The following SYT9 variants were observed in gnomAD, a reference collection of about 807,000 sequenced individuals.
SYT9 encodes the protein synaptotagmin-9.
Under a neutral mutation model 48.4 loss-of-function variants are expected in SYT9, and 22 were observed. The observed-to-expected ratio is 0.45, with a 90% confidence interval of 0.32 to 0.65. The LOEUF (loss-of-function observed/expected upper bound fraction) is 0.65. Ranked by LOEUF, SYT9 falls within the 30% of genes least tolerant of loss-of-function variation. The probability of loss-of-function intolerance (pLI) is 0.03; values close to 1 mark genes in which losing one functional copy is unlikely to be tolerated. For missense variants in SYT9, 577 were observed against 622.0 expected (o/e 0.93, Z 0.77); for synonymous variants, 265 against 245.0 (o/e 1.08, Z -0.76).
chr11:7,278,982 A>G (rs1848446434), intron 1 of SYT9, among the ~76,000 whole-genome samples: 1 of 152,216 alleles, frequency 6.6e-6, no homozygotes, highest in Admixed American at 6.5e-5. Flanking sequence ...TCAAAAATGT[A>G]TGTTAATTTA....
chr11:7,357,088 G>T (rs1850035167), intron 3 of SYT9, among the ~76,000 whole-genome samples: 1 of 152,174 alleles, frequency 6.6e-6, no homozygotes, highest in Non-Finnish European at 1.5e-5. Flanking sequence ...GCTAAGGTGT[G>T]AATAGAAAGT....
intron 3 of SYT9, among the ~76,000 whole-genome samples, chr11:7,374,599 A>G (rs1334361153): frequency 6.6e-6 from 1 of 152,158 alleles, no homozygotes; most frequent in African/African-American, 2.4e-5. Flanking sequence ...CTGACTTTTT[A>G]ATGATTGCCA....
At chr11:7,255,370 T>C (rs1275421629) in intron 1 of SYT9, among the ~76,000 whole-genome samples, 1 of 114,420 alleles carries the variant, frequency 8.7e-6, no homozygotes, top group Non-Finnish European at 2.0e-5. Context: ...TCATGCAGAG[T>C]CTTGTAAACC....
At chr11:7,423,474 C>T (rs1847393675) in intron 6 of SYT9, among the ~76,000 whole-genome samples, 1 of 152,162 alleles carries the variant, frequency 6.6e-6, no homozygotes, top group South Asian at 2.1e-4. Context: ...TGTTTTTCCC[C>T]TTCTGAACCT....
chr11:7,308,620 T>A (rs1589932700), intron 2 of SYT9, among the ~76,000 whole-genome samples: 1 of 152,304 alleles, frequency 6.6e-6, no homozygotes, highest in South Asian at 2.1e-4. Flanking sequence ...GAGGCCAAGT[T>A]AAGTAGGCAA....
chr11:7,350,992 C>CA (rs1410819132), intron 3 of SYT9, among the ~76,000 whole-genome samples: 1 of 152,050 alleles, frequency 6.6e-6, no homozygotes, highest in Non-Finnish European at 1.5e-5. Flanking sequence ...ATCAGGGTAA[C>CA]AAAACCAGTG....
At chr11:7,465,656 A>T (rs1171237259) in intron 6 of SYT9, 1 of 153,024 alleles carries the variant, frequency 6.5e-6, no homozygotes, top group Admixed American at 6.5e-5. Context: ...CACCACTCAG[A>T]CCTCATCTTT....
At chr11:7,248,321 T>C (rs376419631), upstream of SYT9, among the ~76,000 whole-genome samples, 9 of 152,278 alleles carry the variant, frequency 5.9e-5, no homozygotes, top group East Asian at 1.9e-4. Flanking sequence ...AAAAGCTCTT[T>C]AGTTTAATTA....
rs143031783 is a variant in SYT9, at chr11:7,416,048, G to T, written c.1051G>T (p.Val351Leu). 1 of 1,614,158 alleles carries T rather than the reference G, an allele frequency of 6.2e-7. No homozygotes were observed. Among genetic ancestry groups the T allele is most frequent in the East Asian group, 2.2e-5 (1 of 44,888 alleles). ...GTTTGTGCTTTCTCAACAGGACAAC[G>T]TGGATCTGGGAGAGCTGATGTTTTC... ...KDIEYVTNDN[V>L]DLGELMFSLC... is the part of the protein sequence containing the mutation. The change falls in exon 4 of 7, where the codon GTG (valine) becomes TTG (leucine). Residue 351 changes from valine (V) to leucine (L), a missense_variant. Transcript: ENST00000318881.
chr11:7,309,217 G>A (rs1849086210), intron 2 of SYT9, among the ~76,000 whole-genome samples: 1 of 152,142 alleles, frequency 6.6e-6, no homozygotes, highest in East Asian at 1.9e-4. Context: ...GAGAGAATGG[G>A]AGGTGGATGA....
chr11:7,396,193 A>G (rs577709964), intron 3 of SYT9, among the ~76,000 whole-genome samples: 27 of 152,234 alleles, frequency 1.8e-4, no homozygotes, highest in Middle Eastern at 3.4e-3. Context: ...GACTATTTCT[A>G]TCTTCAAAGA....
chr11:7,319,456 A>C (rs924104659), intron 3 of SYT9, among the ~76,000 whole-genome samples: 1 of 152,152 alleles, frequency 6.6e-6, no homozygotes, highest in Non-Finnish European at 1.5e-5. Context: ...CATTTGGTCT[A>C]ATATATATTC....
intron 3 of SYT9, among the ~76,000 whole-genome samples, chr11:7,347,880 A>C (rs1849832764): frequency 6.6e-6 from 1 of 152,134 alleles, no homozygotes; most frequent in Non-Finnish European, 1.5e-5. Flanking sequence ...TGCCCATGGA[A>C]ACTGAAGGAG....
chr11:7,367,273 T>G (rs1850271091), intron 3 of SYT9, among the ~76,000 whole-genome samples: 1 of 150,952 alleles, frequency 6.6e-6, no homozygotes, highest in African/African-American at 2.4e-5. Flanking sequence ...TTTGGTATTT[T>G]TAGTAGAGAC....
At chr11:7,360,199 C>A (rs1351480466) in intron 3 of SYT9, among the ~76,000 whole-genome samples, 1 of 152,162 alleles carries the variant, frequency 6.6e-6, no homozygotes, top group Non-Finnish European at 1.5e-5. Context: ...CTGTTCTGCT[C>A]CATTGATCTA....
At chr11:7,328,290 A>C (rs1849471643) in intron 3 of SYT9, among the ~76,000 whole-genome samples, 1 of 151,924 alleles carries the variant, frequency 6.6e-6, no homozygotes, top group African/African-American at 2.4e-5. Context: ...TGTGATTATA[A>C]ATACATGTGG....
chr11:7,252,275 G>T lies in SYT9; in HGVS notation c.89G>T (p.Cys30Phe). ...CARGALEHDS[C>F]QDFIYHLRDR... ...CGTGGGGCCCTGGAGCACGACAGCT[G>T]CCAGGATTTCATTTACCACCTGCGG... Residue 30 changes from cysteine (C) to phenylalanine (F), a missense_variant, in exon 1 of 7, where the codon TGC (cysteine) becomes TTC (phenylalanine). By Grantham distance (205) the Cys-to-Phe change is radical. Transcript: ENST00000318881. This position sits in a 1 kb window ranked among gnomAD's most constrained non-coding sequence, Gnocchi z 6.3. 6.6e-7 allele frequency: 1 copy of T among 1,512,476 alleles called. No homozygotes were observed. Among genetic ancestry groups the T allele is most frequent in the South Asian group, 1.2e-5 (1 of 80,028 alleles). The allele number at this position is 1,512,476 out of a possible 1,614,324, so 93.7% of individuals were successfully genotyped here. A position where few individuals can be genotyped will look rare whatever the true frequency, so the allele number is the denominator to read the frequency against.
intron 1 of SYT9, among the ~76,000 whole-genome samples, chr11:7,266,903 T>G (rs1848194611): frequency 6.6e-6 from 1 of 152,086 alleles, no homozygotes; most frequent in African/African-American, 2.4e-5. Flanking sequence ...AGAGTTAGCT[T>G]TGTAGTACTT....
intron 3 of SYT9, among the ~76,000 whole-genome samples, chr11:7,323,497 C>A (rs775954390): frequency 1.3e-5 from 2 of 151,674 alleles, no homozygotes; most frequent in African/African-American, 2.4e-5. Flanking sequence ...TTACAATCAC[C>A]AATACAAATG....
Sources: gnomAD v4.1 joint callset for allele counts (sites outside exome capture counted in the v4.1 genomes callset) on GRCh38, gnomAD v4.1.1 for gene constraint, Gnocchi (gnomAD v3.1) non-coding constraint, MANE v1.5 for transcripts, NCBI Gene and HGNC (gene_info 2026-07-23, HGNC 2026-07-21) for gene names.